MINDY4: variants seen among roughly 807,000 people sequenced by gnomAD.
The protein encoded by MINDY4 is probable ubiquitin carboxyl-terminal hydrolase MINDY-4.
A neutral mutation model predicts 87.0 loss-of-function variants in MINDY4; 68 were observed. The ratio of observed to expected loss-of-function variants is 0.78; its 90% CI spans 0.64 to 0.96. The LOEUF is 0.96. Among genes scored for constraint, MINDY4 ranks in the 40% least tolerant of loss-of-function variants. The pLI, the probability that MINDY4 is intolerant of heterozygous loss-of-function variation, is 0.00. For missense variants in MINDY4, 919 were observed against 928.2 expected (o/e 0.99, Z 0.13); for synonymous variants, 379 against 363.2 (o/e 1.04, Z -0.50).
At chr7:30,829,721 A>C (rs1219477196) in intron 6 of MINDY4, among the ~76,000 whole-genome samples, 1 of 152,192 alleles carries the variant, frequency 6.6e-6, no homozygotes, top group African/African-American at 2.4e-5. Flanking sequence ...ATGTCTGTGC[A>C]TGGCTGTGCA....
At chr7:30,887,030 G>A (rs1790651211) in intron 17 of MINDY4, among the ~76,000 whole-genome samples, 1 of 152,214 alleles carries the variant, frequency 6.6e-6, no homozygotes, top group Admixed American at 6.5e-5. Flanking sequence ...TGGGGCTGGG[G>A]CACAGATGTT....
chr7:30,802,150 T>C (rs1226293462), intron 5 of MINDY4, among the ~76,000 whole-genome samples: 1 of 152,074 alleles, frequency 6.6e-6, no homozygotes, highest in Non-Finnish European at 1.5e-5. Flanking sequence ...GCTTTTGTGC[T>C]GCTCTGTTAG....
chr7:30,858,973 C>A (rs1464490386), intron 12 of MINDY4: 1 of 670,508 alleles, frequency 1.5e-6, no homozygotes, highest in Admixed American at 2.1e-5. Context: ...ATGGAGCTGG[C>A]CATGACTGTT....
Position 30,776,629 on chromosome 7 carries a change from C to T in MINDY4, c.64-1803C>T, listed in dbSNP as rs191350691. On this transcript the variant is annotated intron_variant, in intron 1 of 17. Coordinates refer to ENST00000265299, the MANE Select transcript of MINDY4 (RefSeq NM_032222.3). ...TTACGGACTAGTGGTCTGTTCCCTTCGTTTCACAGATAGGGAAACTGGGAC... is the reference window on the plus strand; with the variant it reads ...TTACGGACTAGTGGTCTGTTCCCTTTGTTTCACAGATAGGGAAACTGGGAC... 6.9e-4 allele frequency among the ~76,000 whole-genome samples: 105 copies of T among 152,338 alleles called. 1 individual carries two copies. Among genetic ancestry groups the T allele is most frequent in the African/African-American group, 2.4e-3 (100 of 41,568 alleles).
intron 5 of MINDY4, among the ~76,000 whole-genome samples, chr7:30,818,088 A>G (rs1015076549): frequency 6.6e-6 from 1 of 152,186 alleles, no homozygotes; most frequent in Non-Finnish European, 1.5e-5. Context: ...TTAGGGTTCA[A>G]ATAAAACCCT....
chr7:30,804,612 A>G (rs951867747), intron 5 of MINDY4, among the ~76,000 whole-genome samples: 2 of 152,186 alleles, frequency 1.3e-5, no homozygotes, highest in Non-Finnish European at 2.9e-5. Flanking sequence ...TTCAGGGATA[A>G]TTATGCTGTC....
At position 30,892,295 on chromosome 7, in the gene MINDY4, C is replaced by G; in HGVS notation, c.*290C>G. 1 of 417,794 alleles carries G rather than the reference C, an allele frequency of 2.4e-6. No homozygotes were observed. The highest frequency in any genetic ancestry group is 4.3e-6 in the Non-Finnish European group (1 of 231,960). 25.9% of individuals were successfully genotyped at this position (417,794 alleles called of 1,614,324 possible). ...GTCTGCATCCCTCCCTTGCTCCCTG[C>G]TGGGTGGTCCCTCACCCAGGCCTCC... On this transcript the variant is annotated 3_prime_UTR_variant, in exon 18 of 18. Coordinates refer to ENST00000265299, the MANE Select transcript of MINDY4 (RefSeq NM_032222.3).
chr7:30,846,062 A>G (rs1789207017), intron 9 of MINDY4, among the ~76,000 whole-genome samples: 1 of 152,172 alleles, frequency 6.6e-6, no homozygotes, highest in Admixed American at 6.5e-5. Flanking sequence ...GAATCCAGGA[A>G]GTCCTCCTCT....
intron 12 of MINDY4, among the ~76,000 whole-genome samples, chr7:30,854,989 G>A (rs1023492240): frequency 1.3e-5 from 2 of 152,232 alleles, no homozygotes; most frequent in African/African-American, 2.4e-5. Context: ...AGTGCTGGCC[G>A]GGGCATCGGG....
At chr7:30,813,514 C>T (rs1196986720) in intron 5 of MINDY4, among the ~76,000 whole-genome samples, 2 of 152,204 alleles carry the variant, frequency 1.3e-5, no homozygotes, top group Non-Finnish European at 2.9e-5. Flanking sequence ...GCCACCTGTG[C>T]TGAACAGCTG....
At chr7:30,836,832 G>A (rs538935656) in intron 7 of MINDY4, 68 bp downstream of exon 7, 2 of 1,228,502 alleles carry the variant, frequency 1.6e-6, no homozygotes, top group Admixed American at 1.9e-5. Flanking sequence ...CGTGATTTTG[G>A]TGTTTCTGCC....
chr7:30,832,628 G>GCCT (rs1310202640), intron 6 of MINDY4, among the ~76,000 whole-genome samples: 1 of 152,142 alleles, frequency 6.6e-6, no homozygotes, highest in Non-Finnish European at 1.5e-5. Context: ...TCAGGCCTCA[G>GCCT]CCTCCTGAGT....
intron 15 of MINDY4, among the ~76,000 whole-genome samples, chr7:30,881,394 C>G (rs1444213704): frequency 2.6e-5 from 4 of 152,204 alleles, no homozygotes; most frequent in Non-Finnish European, 2.9e-5. Flanking sequence ...CCAAGTGTTG[C>G]TGCAACCTCA....
At chr7:30,878,032 G>A (rs527286585) in intron 15 of MINDY4, among the ~76,000 whole-genome samples, 4 of 151,394 alleles carry the variant, frequency 2.6e-5, no homozygotes, top group Admixed American at 2.6e-4. Flanking sequence ...CAAGTCCCTC[G>A]GGCCCTACAC....
At chr7:30,847,734 G>A (rs773346515) in intron 9 of MINDY4, among the ~76,000 whole-genome samples, 4 of 110,988 alleles carry the variant, frequency 3.6e-5, no homozygotes, top group Admixed American at 1.7e-4. Flanking sequence ...TTGTTTGTTC[G>A]TTTTTGTTTT....
intron 5 of MINDY4, among the ~76,000 whole-genome samples, chr7:30,822,908 G>A (rs543231346): frequency 6.6e-6 from 1 of 151,890 alleles, no homozygotes; most frequent in Non-Finnish European, 1.5e-5. Flanking sequence ...CCTCCCAAAG[G>A]GCTGAGATTA....
chr7:30,879,857 G>A (rs1248577966), intron 15 of MINDY4, among the ~76,000 whole-genome samples: 3 of 152,150 alleles, frequency 2.0e-5, no homozygotes, highest in African/African-American at 7.2e-5. Context: ...CCACATTTGA[G>A]CACTTCTGAA....
chr7:30,878,778 C>G (rs368959222), intron 15 of MINDY4, among the ~76,000 whole-genome samples: 3 of 152,074 alleles, frequency 2.0e-5, no homozygotes, highest in Non-Finnish European at 2.9e-5. Flanking sequence ...CCATCCTCCT[C>G]CCATCCTCCC....
chr7:30,794,315 C>T (rs574617004), intron 5 of MINDY4, among the ~76,000 whole-genome samples: 24 of 152,286 alleles, frequency 1.6e-4, no homozygotes, highest in African/African-American at 5.5e-4. Flanking sequence ...GGGAGACACA[C>T]ATGTGCACAT....
Sources: gnomAD v4.1 joint callset for allele counts (sites outside exome capture counted in the v4.1 genomes callset) on GRCh38, gnomAD v4.1.1 for gene constraint, MANE v1.5 for transcripts, NCBI Gene and HGNC (gene_info 2026-07-23, HGNC 2026-07-21) for gene names.